ZBTB38: variants seen among roughly 807,000 people sequenced by gnomAD.
The protein encoded by ZBTB38 is zinc finger and BTB domain-containing protein 38.
A neutral mutation model predicts 76.8 loss-of-function variants in ZBTB38; 20 were observed. That is an observed-to-expected ratio of 0.26 (90% confidence interval 0.18 to 0.38). The LOEUF (loss-of-function observed/expected upper bound fraction) is 0.38, where lower values mean the gene tolerates loss of function less well. ZBTB38 is among the 10% of genes least tolerant of loss of function. ZBTB38 has a pLI of 1.00. For missense variants in ZBTB38, 1,082 were observed against 1,482.3 expected (o/e 0.73, Z 4.43); for synonymous variants, 504 against 544.2 (o/e 0.93, Z 1.03).
chr3:141,387,719 G>A (rs942607411), intron 4 of ZBTB38: 2 of 152,200 alleles, frequency 1.3e-5, no homozygotes, highest in African/African-American at 4.8e-5. Context: ...ATTCAGTTCT[G>A]TGATCACAGT....
chr3:141,426,547 C>T (rs114008632), intron 5 of ZBTB38, among the ~76,000 whole-genome samples: 259 of 152,208 alleles, frequency 1.7e-3, no homozygotes, highest in African/African-American at 5.9e-3. Context: ...AGGGAGCAGA[C>T]GCCAGAAGGA....
chr3:141,441,706 T>C (rs2080267371), intron 5 of ZBTB38, among the ~76,000 whole-genome samples: 1 of 152,090 alleles, frequency 6.6e-6, no homozygotes, highest in South Asian at 2.1e-4. Context: ...TAAGGAAAAT[T>C]CATTTAAAAA....
chr3:141,327,839 G>T (rs750542300), intron 1 of ZBTB38, among the ~76,000 whole-genome samples: 46 of 152,256 alleles, frequency 3.0e-4, no homozygotes, highest in Admixed American at 2.0e-3. Context: ...CTGTAAAATA[G>T]AAAGTTTATT....
At position 141,443,376 on chromosome 3, in the gene ZBTB38, C is replaced by A. The variant is rs202013432; in HGVS notation, c.988C>A (p.Pro330Thr). 20 of 1,614,064 alleles carry A rather than the reference C, an allele frequency of 1.2e-5. No homozygotes were observed. The African/African-American group carries it at 2.5e-4, about 20-fold the overall frequency. ...AGATGAAAATCAATCTTCTGATGTT[C>A]CCGGGCCGCCAGCCGCAGAGGTTCC... is the stretch of plus-strand genomic sequence containing the variant. ...REDENQSSDVPGPPAAEVPPL... is the reference protein window; with the variant it reads ...REDENQSSDVTGPPAAEVPPL... The change falls in exon 6 of 6, where the codon CCC becomes ACC. Residue 330 changes from proline to threonine, a missense_variant. Pro to Thr is a conservative substitution (Grantham distance 38). Around this residue, in one of 8 missense-constraint regions of ZBTB38, gnomAD observed 324 missense variants for 359.1 expected, o/e 0.90. Coordinates refer to ENST00000321464, the MANE Select transcript of ZBTB38 (RefSeq NM_001376113.1). This position sits in a 1 kb window ranked among gnomAD's most constrained non-coding sequence, Gnocchi z 5.6.
chr3:141,334,751 T>C (rs16851345), intron 1 of ZBTB38, among the ~76,000 whole-genome samples: 5,022 of 152,196 alleles, frequency 0.033, 231 homozygotes, highest in Admixed American at 0.13. Context: ...CCTGCTGTAA[T>C]GACCCCTGAT....
intron 5 of ZBTB38, chr3:141,432,057 A>G (rs2077733877): frequency 3.1e-6 from 3 of 983,480 alleles, no homozygotes; most frequent in Non-Finnish European, 3.6e-6. Flanking sequence ...TAGTCACCCA[A>G]CATGACTTTG....
chr3:141,324,322 C>T (rs994742131), exon 1 of ZBTB38: 3 of 152,192 alleles, frequency 2.0e-5, no homozygotes, highest in Non-Finnish European at 4.4e-5. Context: ...AACTGGTATC[C>T]ATCTAAACAT....
rs2081317913 is a variant in ZBTB38, at chr3:141,449,148, C to G, written c.*3172C>G. The G allele has an allele frequency of 6.6e-6, 1 of 152,220 alleles. No homozygotes were observed. Among genetic ancestry groups the G allele is most frequent in the Non-Finnish European group, 1.5e-5 (1 of 68,038 alleles). 9.4% of individuals were successfully genotyped at this position (152,220 alleles called of 1,614,324 possible). A position where few individuals can be genotyped will look rare whatever the true frequency, so the allele number is the denominator to read the frequency against. On this transcript the variant is annotated 3_prime_UTR_variant, in exon 6 of 6. Transcript: ENST00000321464. ...CTCACAACCAGACAAAGCCAGGATG[C>G]TAACCTAGGTCTGCCTGACTCCAAA...
chr3:141,399,351 T>C (rs1158759470), intron 4 of ZBTB38, among the ~76,000 whole-genome samples: 2 of 152,156 alleles, frequency 1.3e-5, no homozygotes, highest in South Asian at 2.1e-4. Flanking sequence ...TTTCACACAT[T>C]TATCTGCCTG....
chr3:141,440,236 CTTCT>C (rs1201542609), intron 5 of ZBTB38, among the ~76,000 whole-genome samples: 2 of 152,156 alleles, frequency 1.3e-5, no homozygotes, highest in Non-Finnish European at 2.9e-5. Flanking sequence ...TAGTTCTGAG[CTTCT>C]TTGTCTTGAG....
chr3:141,408,689 T>C (rs1396179140), intron 5 of ZBTB38, among the ~76,000 whole-genome samples: 1 of 152,236 alleles, frequency 6.6e-6, no homozygotes, highest in African/African-American at 2.4e-5. Flanking sequence ...ATTTGACATG[T>C]ATATGGAATT....
At chr3:141,365,955 A>G (rs1216848868), upstream of ZBTB38, among the ~76,000 whole-genome samples, 1 of 152,232 alleles carries the variant, frequency 6.6e-6, no homozygotes, top group Non-Finnish European at 1.5e-5. Context: ...AGTATAGACA[A>G]GTCTTCCAAG....
At chr3:141,437,227 T>C (rs2150763955) in intron 5 of ZBTB38, among the ~76,000 whole-genome samples, 1 of 152,320 alleles carries the variant, frequency 6.6e-6, no homozygotes, top group African/African-American at 2.4e-5. Context: ...TATAAACTTC[T>C]TGAGGGCATG....
chr3:141,353,676 C>T (rs957081874), intron 1 of ZBTB38, among the ~76,000 whole-genome samples: 1 of 152,144 alleles, frequency 6.6e-6, no homozygotes, highest in Non-Finnish European at 1.5e-5. Flanking sequence ...AAGCCTGTAT[C>T]TTCCACAGCG....
chr3:141,363,669 G>A (rs1576685130), upstream of ZBTB38, among the ~76,000 whole-genome samples: 1 of 152,110 alleles, frequency 6.6e-6, no homozygotes, highest in Non-Finnish European at 1.5e-5. Context: ...CTTTATTTTA[G>A]AATAGTTTTT....
chr3:141,346,782 TTGTGTGTGTGTGTGTG>T (rs56345431), intron 1 of ZBTB38, among the ~76,000 whole-genome samples: 1 of 144,682 alleles, frequency 6.9e-6, no homozygotes, highest in East Asian at 2.0e-4. Flanking sequence ...TTGTTTTGTT[TTGTGTGTGTGTGTGTG>T]TGTGTGTGTG....
chr3:141,445,078 T>A lies in ZBTB38; in HGVS notation c.2690T>A (p.Met897Lys). 6.2e-7 allele frequency: 1 copy of A among 1,613,950 alleles called. No individual in the cohort carries two copies. Among genetic ancestry groups the A allele is most frequent in the Non-Finnish European group, 8.5e-7 (1 of 1,179,978 alleles). The change falls in exon 6 of 6, where the codon ATG (methionine) becomes AAG (lysine). Residue 897 changes from methionine to lysine, a missense_variant. Met to Lys is a moderately conservative substitution (Grantham distance 95). Coordinates refer to ENST00000321464, the MANE Select transcript of ZBTB38 (RefSeq NM_001376113.1). This position sits in a 1 kb window ranked among gnomAD's most constrained non-coding sequence, Gnocchi z 6.5. Reference protein sequence around the residue: ...SPLGLCQSECMEMSEVFDDAS... With the variant: ...SPLGLCQSECKEMSEVFDDAS... ...CTCGGGCTTTGCCAATCCGAGTGCATGGAGATGAGTGAAGTGTTCGATGAC... is the reference window on the plus strand; with the variant it reads ...CTCGGGCTTTGCCAATCCGAGTGCAAGGAGATGAGTGAAGTGTTCGATGAC...
intron 4 of ZBTB38, chr3:141,403,132 A>G (rs762009422): frequency 4.6e-5 from 7 of 152,202 alleles, no homozygotes; most frequent in Admixed American, 4.6e-4. Flanking sequence ...GTTCCACTTT[A>G]TAACTCCTGC....
intron 5 of ZBTB38, among the ~76,000 whole-genome samples, chr3:141,433,376 C>G (rs1415353209): frequency 2.0e-5 from 3 of 148,760 alleles, no homozygotes; most frequent in African/African-American, 7.5e-5. Context: ...ACTTTTTGGT[C>G]CCTAGACTCC....
Sources: allele counts gnomAD v4.1 joint callset (sites outside exome capture counted in the v4.1 genomes callset), GRCh38; gene constraint gnomAD v4.1.1; regional missense constraint gnomAD v4.1.1; non-coding constraint Gnocchi (gnomAD v3.1); transcripts MANE v1.5; gene names NCBI Gene and HGNC (gene_info 2026-07-23, HGNC 2026-07-21).